The following PDE4D variants were observed in gnomAD, a reference collection of about 807,000 sequenced individuals.
The protein encoded by PDE4D is 3',5'-cyclic-AMP phosphodiesterase 4D.
Under a neutral mutation model 87.4 loss-of-function variants are expected in PDE4D, and 24 were observed. That is an observed-to-expected ratio of 0.27 (90% CI 0.20 to 0.39). The LOEUF (loss-of-function observed/expected upper bound fraction) is 0.39, where lower values mean the gene tolerates loss of function less well. PDE4D is among the 10% of genes least tolerant of loss of function. The probability of loss-of-function intolerance (pLI) is 1.00; values close to 1 mark genes in which losing one functional copy is unlikely to be tolerated. For missense variants in PDE4D, 714 were observed against 1,041.0 expected, an observed-to-expected ratio of 0.69 and a Z score of 4.32; for synonymous variants, 384 against 383.2, an observed-to-expected ratio of 1.00 and a Z score of -0.02.
intron 1 of PDE4D, among the ~76,000 whole-genome samples, chr5:60,322,246 T>C (rs960422721): frequency 1.3e-4 from 20 of 152,102 alleles, no homozygotes; most frequent in Admixed American, 1.3e-4. Context: ...ATCATGTCCT[T>C]TGCAGCAACA....
chr5:59,224,293 T>TACACACACACAC (rs35273659), intron 1 of PDE4D, among the ~76,000 whole-genome samples: 26 of 135,470 alleles, frequency 1.9e-4, no homozygotes, highest in African/African-American at 5.8e-4. Flanking sequence ...CACACACACA[T>TACACACACACAC]ACACACACAC....
chr5:59,376,650 C>T (rs1784781891), intron 1 of PDE4D, among the ~76,000 whole-genome samples: 1 of 152,078 alleles, frequency 6.6e-6, no homozygotes, highest in Admixed American at 6.5e-5. Context: ...TAATAAATTA[C>T]CACTGAGATT....
intron 1 of PDE4D, among the ~76,000 whole-genome samples, chr5:59,494,068 T>C (rs142052866): frequency 3.3e-3 from 500 of 152,286 alleles, no homozygotes; most frequent in Middle Eastern, 6.8e-3. Flanking sequence ...CAATTAAAAT[T>C]AGAGAAATAC....
chr5:59,771,388 A>G (rs1367230331), intron 1 of PDE4D, among the ~76,000 whole-genome samples: 1 of 150,066 alleles, frequency 6.7e-6, no homozygotes, highest in Non-Finnish European at 1.5e-5. Context: ...GATATGGGCG[A>G]CAGAGCGAGA....
At chr5:60,472,672 T>C (rs1246836442) in intron 1 of PDE4D, among the ~76,000 whole-genome samples, 1 of 152,166 alleles carries the variant, frequency 6.6e-6, no homozygotes. Context: ...TCAAGCCTAT[T>C]TCATTGTCAC....
intron 1 of PDE4D, among the ~76,000 whole-genome samples, chr5:59,829,405 A>T (rs1438574548): frequency 6.6e-6 from 1 of 152,030 alleles, no homozygotes; most frequent in Non-Finnish European, 1.5e-5. Context: ...CAATTATGTG[A>T]ATTACTTCCT....
At chr5:59,686,437 T>A (rs983436891) in intron 1 of PDE4D, among the ~76,000 whole-genome samples, 4 of 152,122 alleles carry the variant, frequency 2.6e-5, no homozygotes, top group African/African-American at 9.7e-5. Flanking sequence ...GCTCTCAGAT[T>A]CTAGAGCCCA....
intron 2 of PDE4D, among the ~76,000 whole-genome samples, chr5:59,212,860 T>G (rs1446249446): frequency 1.3e-5 from 2 of 151,942 alleles, no homozygotes; most frequent in South Asian, 2.1e-4. Flanking sequence ...TCTATGGGGC[T>G]GGTCAGTATT....
At chr5:59,106,692 G>A (rs146442075) in intron 5 of PDE4D, among the ~76,000 whole-genome samples, 55 of 152,302 alleles carry the variant, frequency 3.6e-4, no homozygotes, top group African/African-American at 1.2e-3. Context: ...CCCGGGAGGC[G>A]GAGTTTGCGG....
intron 5 of PDE4D, among the ~76,000 whole-genome samples, chr5:59,069,555 T>A (rs1042318784): frequency 1.3e-4 from 19 of 151,634 alleles, no homozygotes; most frequent in African/African-American, 3.9e-4. Flanking sequence ...GCCCTCTCCT[T>A]CCCTGGGTGA....
At chr5:58,985,190 T>C (rs952582622) in intron 11 of PDE4D, among the ~76,000 whole-genome samples, 3 of 152,150 alleles carry the variant, frequency 2.0e-5, no homozygotes, top group Admixed American at 2.0e-4. Flanking sequence ...GCTGGGATTA[T>C]AGGAGTGAGC....
At position 60,107,036 on chromosome 5, in the gene PDE4D, C is replaced by A. The variant is rs1394803869; in HGVS notation, c.42+78521G>T. On this transcript the variant is annotated intron_variant, in intron 2 of 16. Coordinates refer to the PDE4D transcript ENST00000502484. ...AGGAGAACTGAAGGAAATAGAGACA[C>A]AAAAAACCCTTCAAAAATTAATGAA... Among the ~76,000 whole-genome samples the A allele has an allele frequency of 5.9e-5, 9 of 151,948 alleles. No individual in the cohort carries two copies. In the South Asian group the frequency reaches 1.5e-3, roughly 25 times the overall value.
At chr5:60,150,237 A>G (rs1429488878) in intron 2 of PDE4D, among the ~76,000 whole-genome samples, 3 of 151,900 alleles carry the variant, frequency 2.0e-5, no homozygotes, top group Non-Finnish European at 4.4e-5. Context: ...AAATAGTAAG[A>G]GATCATGGAC....
chr5:60,148,428 G>A (rs1781210185), intron 2 of PDE4D, among the ~76,000 whole-genome samples: 1 of 152,126 alleles, frequency 6.6e-6, no homozygotes, highest in Non-Finnish European at 1.5e-5. Context: ...GTATTCTAGA[G>A]ATAAAGTGTA....
At chr5:59,462,858 A>C (rs758304627) in intron 1 of PDE4D, among the ~76,000 whole-genome samples, 29 of 152,284 alleles carry the variant, frequency 1.9e-4, no homozygotes, top group Non-Finnish European at 3.8e-4. Context: ...AAGGGAGCAG[A>C]ATGGAATGAG....
chr5:59,868,358 G>A (rs1747348681), intron 1 of PDE4D, among the ~76,000 whole-genome samples: 1 of 152,094 alleles, frequency 6.6e-6, no homozygotes, highest in South Asian at 2.1e-4. Context: ...AGACATCTAG[G>A]TTCTCATGTC....
intron 1 of PDE4D, among the ~76,000 whole-genome samples, chr5:59,629,078 C>G (rs959078788): frequency 6.6e-6 from 1 of 152,176 alleles, no homozygotes; most frequent in African/African-American, 2.4e-5. Context: ...CACCATGATT[C>G]AATTACCTCC....
chr5:60,227,651 G>T (rs976178134), intron 1 of PDE4D, among the ~76,000 whole-genome samples: 2 of 150,816 alleles, frequency 1.3e-5, no homozygotes, highest in Non-Finnish European at 3.0e-5. Flanking sequence ...AGGAAGGAAC[G>T]AAGGAAAGAA....
intron 1 of PDE4D, among the ~76,000 whole-genome samples, chr5:60,358,594 C>T (rs1289566880): frequency 1.3e-5 from 2 of 152,118 alleles, no homozygotes; most frequent in Non-Finnish European, 2.9e-5. Context: ...GCCATCTTTC[C>T]CAACCCATGT....
Sources: gnomAD v4.1 joint callset for allele counts (sites outside exome capture counted in the v4.1 genomes callset) on GRCh38, gnomAD v4.1.1 for gene constraint, MANE v1.5 for transcripts, NCBI Gene and HGNC (gene_info 2026-07-23, HGNC 2026-07-21) for gene names.